VPS8: variants seen among roughly 807,000 people sequenced by gnomAD.
VPS8 encodes the protein VPS8 subunit of CORVET complex.
Under a neutral mutation model 216.4 loss-of-function variants are expected in VPS8, and 129 were observed. That is an observed-to-expected ratio of 0.60 (90% CI 0.52 to 0.69). VPS8 has a LOEUF of 0.69. VPS8 is among the 30% of genes least tolerant of loss of function. VPS8 has a pLI of 0.00. For missense variants in VPS8, 1,531 were observed against 1,683.5 expected (o/e 0.91, Z 1.59); for synonymous variants, 571 against 565.4 (o/e 1.01, Z -0.14).
At chr3:184,914,569 C>G (rs1737173664) in intron 26 of VPS8, among the ~76,000 whole-genome samples, 1 of 152,208 alleles carries the variant, frequency 6.6e-6, no homozygotes, top group South Asian at 2.1e-4. Context: ...TAATACCATT[C>G]TTAGAGACCC....
chr3:184,845,908 T>C (rs1251511803), intron 8 of VPS8, among the ~76,000 whole-genome samples: 2 of 152,220 alleles, frequency 1.3e-5, no homozygotes, highest in East Asian at 3.8e-4. Flanking sequence ...ATGTAATCTA[T>C]AAATTAGTTT....
At chr3:185,045,178 A>C (rs6780272) in intron 46 of VPS8, among the ~76,000 whole-genome samples, 3,498 of 151,610 alleles carry the variant, frequency 0.023, 132 homozygotes, top group African/African-American at 0.075. Context: ...CACCAGTGTC[A>C]ATACAAAGTG....
At chr3:184,903,570 G>C (rs572003078) in intron 25 of VPS8, among the ~76,000 whole-genome samples, 1 of 152,032 alleles carries the variant, frequency 6.6e-6, no homozygotes, top group Non-Finnish European at 1.5e-5. Context: ...TCCTTCCTCA[G>C]CCTCCCAAGT....
At chr3:184,914,246 G>A (rs776030740) in intron 26 of VPS8, among the ~76,000 whole-genome samples, 2 of 152,134 alleles carry the variant, frequency 1.3e-5, no homozygotes, top group Admixed American at 6.5e-5. Flanking sequence ...AAAGAAATAC[G>A]CATTTACTTA....
At chr3:184,998,727 A>G (rs1046447579) in intron 44 of VPS8, among the ~76,000 whole-genome samples, 7 of 152,126 alleles carry the variant, frequency 4.6e-5, no homozygotes, top group Admixed American at 2.0e-4. Flanking sequence ...AGTGTAATCA[A>G]TAGGGAATTT....
chr3:184,887,455 C>T (rs578190605), intron 22 of VPS8, among the ~76,000 whole-genome samples: 12 of 150,810 alleles, frequency 8.0e-5, no homozygotes, highest in Middle Eastern at 6.9e-3. Flanking sequence ...TTGTTCTAAA[C>T]GCTTTACATT....
intron 37 of VPS8, among the ~76,000 whole-genome samples, chr3:184,962,165 C>T (rs751636008): frequency 6.6e-6 from 1 of 152,184 alleles, no homozygotes; most frequent in Non-Finnish European, 1.5e-5. Flanking sequence ...TTGTTTATTT[C>T]CCTGTTGGTA....
At chr3:184,904,082 T>G (rs4324453) in intron 25 of VPS8, among the ~76,000 whole-genome samples, 107 of 152,108 alleles carry the variant, frequency 7.0e-4, no homozygotes, top group African/African-American at 2.4e-3. Flanking sequence ...TGTATATTGA[T>G]CTTGTATCCT....
chr3:184,962,421 GTCT>G (rs1250377791), intron 37 of VPS8, among the ~76,000 whole-genome samples: 1 of 152,226 alleles, frequency 6.6e-6, no homozygotes, highest in East Asian at 1.9e-4. Flanking sequence ...AGTATTTTTA[GTCT>G]TCTTAATTTT....
chr3:184,840,744 A>G lies in VPS8; in HGVS notation c.535+992A>G, dbSNP rs747745635. Among the ~76,000 whole-genome samples, 11 of 151,918 alleles carry G rather than the reference A, an allele frequency of 7.2e-5. No homozygotes were observed. The East Asian group carries it at 1.5e-3, about 21-fold the overall frequency. ...TAATAATAATAATAAACAAAAAACTATTAGTTTTTTTGGGGGGGGTCATTT... is the reference window on the plus strand; with the variant it reads ...TAATAATAATAATAAACAAAAAACTGTTAGTTTTTTTGGGGGGGGTCATTT... On this transcript the variant is annotated intron_variant, in intron 7 of 47. Transcript: ENST00000625842.
At chr3:184,936,068 A>G (rs1028292851) in intron 34 of VPS8, among the ~76,000 whole-genome samples, 178 bp from the exon 35 acceptor site, 3 of 152,046 alleles carry the variant, frequency 2.0e-5, no homozygotes, top group African/African-American at 4.8e-5. Context: ...TACATGGCAC[A>G]TTTCTAATTT....
At chr3:184,827,343 G>A (rs1719016564) in intron 3 of VPS8, among the ~76,000 whole-genome samples, 1 of 152,108 alleles carries the variant, frequency 6.6e-6, no homozygotes, top group Non-Finnish European at 1.5e-5. Flanking sequence ...CTTTGAATGT[G>A]TTCTAACTTC....
At chr3:184,925,267 C>T (rs1373405361) in intron 30 of VPS8, among the ~76,000 whole-genome samples, 1 of 152,328 alleles carries the variant, frequency 6.6e-6, no homozygotes, top group African/African-American at 2.4e-5. Flanking sequence ...TCCCCCATCT[C>T]ACTGGTAGTA....
chr3:184,887,166 G>T (rs1371628130), intron 22 of VPS8, among the ~76,000 whole-genome samples: 1 of 152,048 alleles, frequency 6.6e-6, no homozygotes, highest in Non-Finnish European at 1.5e-5. Context: ...AATATAGGGA[G>T]ACCTTGTCTC....
intron 29 of VPS8, among the ~76,000 whole-genome samples, chr3:184,924,453 G>A (rs899406535): frequency 2.6e-5 from 4 of 152,060 alleles, no homozygotes; most frequent in Non-Finnish European, 5.9e-5. Flanking sequence ...AGAGGTGGAG[G>A]TTGCAGTGAG....
chr3:184,893,262 A>G, intron 22 of VPS8: 1 of 1,287,928 alleles, frequency 7.8e-7, no homozygotes, highest in Non-Finnish European at 1.0e-6. Context: ...ACCCCATCCT[A>G]GTCCTTTCAG....
At chr3:184,933,291 ACCTTT>A (rs1741009756) in intron 34 of VPS8, among the ~76,000 whole-genome samples, 1 of 152,148 alleles carries the variant, frequency 6.6e-6, no homozygotes, top group South Asian at 2.1e-4. Context: ...TTTTACATTT[ACCTTT>A]CCTTAATTAC....
At chr3:184,905,242 A>G (rs1735282556) in intron 25 of VPS8, among the ~76,000 whole-genome samples, 1 of 152,206 alleles carries the variant, frequency 6.6e-6, no homozygotes, top group South Asian at 2.1e-4. Context: ...TTTGGGTGCC[A>G]CATTCAGACC....
At chr3:184,994,479 C>A (rs994379526) in intron 43 of VPS8, among the ~76,000 whole-genome samples, 9 of 112,912 alleles carry the variant, frequency 8.0e-5, no homozygotes, top group African/African-American at 2.7e-4. Context: ...CAGAGCAAGA[C>A]CCTTCTCTGA....
Sources: gnomAD v4.1 joint callset for allele counts (sites outside exome capture counted in the v4.1 genomes callset) on GRCh38, gnomAD v4.1.1 for gene constraint, MANE v1.5 for transcripts, NCBI Gene and HGNC (gene_info 2026-07-23, HGNC 2026-07-21) for gene names.